Variants in PABPN1L observed in about 807,000 individuals in gnomAD.
The protein encoded by PABPN1L is embryonic polyadenylate-binding protein 2.
PABPN1L carries 45 observed loss-of-function variants against 34.0 expected under a neutral mutation model. The ratio of observed to expected loss-of-function variants is 1.32; its 90% CI spans 1.04 to 1.70. The LOEUF (loss-of-function observed/expected upper bound fraction) is 1.70, where lower values mean the gene tolerates loss of function less well. Among genes scored for constraint, PABPN1L ranks in the 40% most tolerant of loss-of-function variants. The probability of loss-of-function intolerance (pLI) is 0.00; values close to 1 mark genes in which losing one functional copy is unlikely to be tolerated. For synonymous variants in PABPN1L, 182 were observed against 152.1 expected (o/e 1.20, Z -1.45); for missense variants, 459 against 367.8 (o/e 1.25, Z -2.03).
chr16:88,869,766 G>A (rs999501110), upstream of PABPN1L, among the ~76,000 whole-genome samples: 5 of 152,238 alleles, frequency 3.3e-5, no homozygotes, highest in Admixed American at 1.3e-4. Context: ...CTCGGGCCCC[G>A]GCCATGGAAA....
At chr16:88,863,377 A>G (rs1968491699) in exon 7 of PABPN1L, 1 of 364,150 alleles carries the variant, frequency 2.7e-6, no homozygotes. Flanking sequence ...ATGCTTCACC[A>G]TTAAGACACA....
chr16:88,864,258 A>G, exon 6 of PABPN1L: 1 of 1,540,728 alleles, frequency 6.5e-7, no homozygotes, highest in Non-Finnish European at 8.7e-7. Context: ...TTGTGGTCTG[A>G]GCCGGGGCCT....
At chr16:88,863,614 A>G in exon 7 of PABPN1L, 5 of 1,086,812 alleles carry the variant, frequency 4.6e-6, no homozygotes, top group Non-Finnish European at 6.8e-6. Context: ...CCCCCCGCCA[A>G]GAGGGGGCCA....
chr16:88,865,462 C>T (rs1402035042), intron 3 of PABPN1L, 101 bp downstream of exon 3: 1 of 1,451,058 alleles, frequency 6.9e-7, no homozygotes, highest in Non-Finnish European at 9.4e-7. Flanking sequence ...GGTCAGACCC[C>T]CTTCCCAGCA....
chr16:88,867,473 C>T (rs757343011), upstream of PABPN1L, among the ~76,000 whole-genome samples: 5 of 152,152 alleles, frequency 3.3e-5, no homozygotes, highest in Admixed American at 1.3e-4. Flanking sequence ...TCAGGTGATC[C>T]GCCCGACTCG....
upstream of PABPN1L, among the ~76,000 whole-genome samples, chr16:88,868,644 T>C (rs1017523172): frequency 6.8e-6 from 1 of 147,844 alleles, no homozygotes; most frequent in African/African-American, 2.4e-5. Context: ...GTTTGGAGAC[T>C]TTTATACTTA....
chr16:88,863,936 TC>T, intron 6 of PABPN1L, 141 bp from the exon 7 acceptor site: 3 of 930,140 alleles, frequency 3.2e-6, no homozygotes, highest in South Asian at 1.7e-5. Flanking sequence ...TTCTGGTGAC[TC>T]CCAGCTGCTC....
At chr16:88,866,537 C>T (rs1442264861) in exon 1 of PABPN1L, 2 of 1,551,500 alleles carry the variant, frequency 1.3e-6, no homozygotes, top group African/African-American at 1.4e-5. Flanking sequence ...GCCTCAGGGT[C>T]TGAGGAGACC....
chr16:88,868,821 G>A (rs1441399088), upstream of PABPN1L, among the ~76,000 whole-genome samples: 1 of 152,206 alleles, frequency 6.6e-6, no homozygotes, highest in African/African-American at 2.4e-5. Flanking sequence ...CCCACGCTCA[G>A]CGACTCTGCG....
chr16:88,866,417 C>G lies in PABPN1L; in HGVS notation c.190G>C (p.Asp64His), dbSNP rs758693422. The stretch of plus-strand genomic sequence containing the variant: ...AGCAGAGACAGCAGAAAGCCTGCAT[C>G]CCCATCCTGGTCTTCCTCTGCATCC... Residue 64 changes from aspartate to histidine, a missense_variant, in exon 1 of 7, where the codon GAT becomes CAT. Transcript: ENST00000419291. 3 of 1,551,412 alleles carry G rather than the reference C, an allele frequency of 1.9e-6. No individual in the cohort carries two copies. The East Asian group carries it at 7.3e-5, about 38-fold the overall frequency.
intron 3 of PABPN1L, 137 bp downstream of exon 3, chr16:88,865,426 C>A (rs111777514): frequency 4.5e-6 from 5 of 1,104,406 alleles, no homozygotes; most frequent in African/African-American, 3.2e-5. Flanking sequence ...GCCAGTGTTT[C>A]CTCAAGGTGA....
intron 5 of PABPN1L, among the ~76,000 whole-genome samples, 184 bp from the exon 6 acceptor site, chr16:88,864,563 C>T (rs1597639440): frequency 7.6e-6 from 1 of 132,262 alleles, no homozygotes; most frequent in East Asian, 2.4e-4. Flanking sequence ...GGCCAGCACC[C>T]CTGCAGAGGG....
upstream of PABPN1L, among the ~76,000 whole-genome samples, chr16:88,866,999 G>A (rs1450598355): frequency 6.6e-6 from 1 of 152,242 alleles, no homozygotes; most frequent in African/African-American, 2.4e-5. Flanking sequence ...ACACGGGAGT[G>A]GTTTCTTCTA....
intron 2 of PABPN1L, 79 bp downstream of exon 2, chr16:88,865,727 G>A: frequency 5.1e-6 from 8 of 1,553,942 alleles, no homozygotes; most frequent in Non-Finnish European, 7.0e-6. Context: ...GTGACACCTT[G>A]GAGCCTGCCA....
chr16:88,864,322 G>C (rs775856976), exon 6 of PABPN1L: 4 of 1,555,480 alleles, frequency 2.6e-6, no homozygotes, highest in Non-Finnish European at 3.5e-6. Flanking sequence ...GGGTGTCCTC[G>C]AAGGCCCCCG....
chr16:88,865,837 C>A (rs750306987), exon 2 of PABPN1L: 1 of 1,609,296 alleles, frequency 6.2e-7, no homozygotes, highest in Non-Finnish European at 8.5e-7. Flanking sequence ...GCTGCCCGGC[C>A]GCGGTGCCCT....
chr16:88,870,069 G>A (rs189366875), upstream of PABPN1L, among the ~76,000 whole-genome samples: 1 of 152,178 alleles, frequency 6.6e-6, no homozygotes, highest in African/African-American at 2.4e-5. Flanking sequence ...CCACCCTCAG[G>A]TCCCCTGTGT....
intron 1 of PABPN1L, 25 bp downstream of exon 1, chr16:88,866,327 C>A: frequency 6.5e-7 from 1 of 1,542,482 alleles, no homozygotes; most frequent in South Asian, 1.2e-5. Flanking sequence ...CCCTGAGATC[C>A]CCAGGGCCTC....
upstream of PABPN1L, among the ~76,000 whole-genome samples, chr16:88,869,140 G>C (rs116574861): frequency 3.4e-3 from 524 of 152,318 alleles, 5 homozygotes; most frequent in African/African-American, 0.012. Flanking sequence ...TTTCCCTTTG[G>C]CTTAGTGCGT....
Sources: allele counts gnomAD v4.1 joint callset (sites outside exome capture counted in the v4.1 genomes callset), GRCh38; gene constraint gnomAD v4.1.1; transcripts MANE v1.5; gene names NCBI Gene and HGNC (gene_info 2026-07-23, HGNC 2026-07-21).